The following COBLL1 variants were observed in gnomAD, a reference collection of about 807,000 sequenced individuals.
COBLL1 encodes the protein cordon-bleu protein-like 1.
In COBLL1, 50 loss-of-function variants were observed where a neutral mutation model predicts 94.8. The ratio of observed to expected loss-of-function variants is 0.53; its 90% CI spans 0.42 to 0.67. COBLL1 has a LOEUF of 0.67. Ranked by LOEUF, COBLL1 falls within the 30% of genes least tolerant of loss-of-function variation. COBLL1 has a pLI of 0.00. For synonymous variants in COBLL1, 448 were observed against 473.8 expected, an observed-to-expected ratio of 0.95 and a Z score of 0.71; for missense variants, 1,362 against 1,348.7, an observed-to-expected ratio of 1.01 and a Z score of -0.15.
intron 2 of COBLL1, among the ~76,000 whole-genome samples, chr2:164,765,441 A>G (rs1468476743): frequency 6.6e-6 from 1 of 152,226 alleles, no homozygotes; most frequent in Non-Finnish European, 1.5e-5. Flanking sequence ...TGAGAGACTT[A>G]AGTGATATAA....
At chr2:164,676,517 T>C (rs1192703431), downstream of COBLL1, among the ~76,000 whole-genome samples, 1 of 152,176 alleles carries the variant, frequency 6.6e-6, no homozygotes, top group Non-Finnish European at 1.5e-5. Context: ...TGGTTAAATA[T>C]TCTTCATATT....
intron 1 of COBLL1, among the ~76,000 whole-genome samples, chr2:164,666,511 A>C (rs1440453332): frequency 6.6e-6 from 1 of 152,198 alleles, no homozygotes; most frequent in Non-Finnish European, 1.5e-5. Context: ...TTCTTAAAAT[A>C]ATATACCAGT....
intron 7 of COBLL1, among the ~76,000 whole-genome samples, chr2:164,705,614 G>A (rs1160599908): frequency 6.6e-6 from 1 of 152,198 alleles, no homozygotes; most frequent in East Asian, 1.9e-4. Context: ...ACTGTCAGCA[G>A]ACCCTAAGAC....
At chr2:164,790,978 ACTC>A (rs1683160348) in intron 2 of COBLL1, among the ~76,000 whole-genome samples, 2 of 152,118 alleles carry the variant, frequency 1.3e-5, no homozygotes, top group Admixed American at 6.5e-5. Context: ...CCAAAAGATA[ACTC>A]CTATCAGAAG....
chr2:164,772,275 T>C (rs928751221), intron 2 of COBLL1, among the ~76,000 whole-genome samples: 1 of 152,020 alleles, frequency 6.6e-6, no homozygotes, highest in African/African-American at 2.4e-5. Flanking sequence ...GTGATAAAGT[T>C]TCTTTATCAG....
chr2:164,694,372 G>C lies in COBLL1; in HGVS notation c.3020C>G (p.Pro1007Arg). Residue 1007 changes from proline (P) to arginine (R), a missense_variant, in exon 12 of 14, where the codon CCT becomes CGT. Pro to Arg is a moderately radical substitution (Grantham distance 103). Transcript: ENST00000652658. ...AGGTTGGACCAATGCACTGGCACTAGGTGACTCGGTGCGCTCTTTACTGAA... is the reference window on the plus strand; with the variant it reads ...AGGTTGGACCAATGCACTGGCACTACGTGACTCGGTGCGCTCTTTACTGAA... ...QSFSKERTESPSASALVQPPA... is the reference protein window; with the variant it reads ...QSFSKERTESRSASALVQPPA... 6.2e-7 allele frequency: 1 copy of C among 1,613,998 alleles called. No individual in the cohort carries two copies. The highest frequency in any genetic ancestry group is 2.2e-5 in the East Asian group (1 of 44,868).
intron 2 of COBLL1, among the ~76,000 whole-genome samples, chr2:164,818,588 A>G (rs185555629): frequency 2.2e-4 from 32 of 148,138 alleles, no homozygotes; most frequent in Admixed American, 6.8e-4. Context: ...GTACATATGT[A>G]CACATATATA....
At chr2:164,689,573 T>C (rs1226329519) in intron 13 of COBLL1, among the ~76,000 whole-genome samples, 1 of 152,160 alleles carries the variant, frequency 6.6e-6, no homozygotes, top group African/African-American at 2.4e-5. Flanking sequence ...AGAATATATG[T>C]ATAGAAAAAT....
At chr2:164,755,404 C>T (rs1406181170) in intron 2 of COBLL1, among the ~76,000 whole-genome samples, 1 of 152,160 alleles carries the variant, frequency 6.6e-6, no homozygotes, top group Non-Finnish European at 1.5e-5. Flanking sequence ...ACATTACCTT[C>T]TGCATAGTAT....
At chr2:164,670,656 C>CA (rs1691227959) in intron 1 of COBLL1, among the ~76,000 whole-genome samples, 1 of 152,062 alleles carries the variant, frequency 6.6e-6, no homozygotes, top group Admixed American at 6.5e-5. Context: ...AGTTAAAATC[C>CA]AACATCAGTT....
chr2:164,828,899 T>C (rs947174747), intron 2 of COBLL1, among the ~76,000 whole-genome samples: 2 of 152,194 alleles, frequency 1.3e-5, no homozygotes, highest in African/African-American at 4.8e-5. Context: ...TATAGTTCCA[T>C]TGGACGGTGC....
intron 7 of COBLL1, 100 bp downstream of exon 7, chr2:164,721,975 A>T: frequency 2.4e-6 from 2 of 835,838 alleles, no homozygotes; most frequent in Non-Finnish European, 3.8e-6. Context: ...TTATAGGACT[A>T]CTTCTTACTA....
intron 2 of COBLL1, among the ~76,000 whole-genome samples, chr2:164,829,619 G>A (rs140965658): frequency 0.013 from 1,930 of 152,108 alleles, 17 homozygotes; most frequent in Non-Finnish European, 0.019. Context: ...AAAGGGAAAA[G>A]AAGGAAATAT....
intron 5 of COBLL1, chr2:164,725,135 A>ATATATATATATATATATATGT (rs1558956204): frequency 3.5e-5 from 2 of 57,192 alleles, no homozygotes; most frequent in African/African-American, 1.6e-4. Context: ...TATATATATA[A>ATATATATATATATATATATGT]AATGAAAGCA....
intron 2 of COBLL1, among the ~76,000 whole-genome samples, chr2:164,764,041 A>T (rs1000301692): frequency 1.3e-5 from 2 of 152,108 alleles, no homozygotes; most frequent in Admixed American, 6.6e-5. Flanking sequence ...GACTACAGGC[A>T]TGTGCCACCA....
At chr2:164,772,305 A>G (rs1347383275) in intron 2 of COBLL1, among the ~76,000 whole-genome samples, 1 of 151,962 alleles carries the variant, frequency 6.6e-6, no homozygotes, top group Non-Finnish European at 1.5e-5. Flanking sequence ...GAAAATGTAA[A>G]TCTCATGTAT....
chr2:164,732,918 G>C (rs1177185225), intron 3 of COBLL1, among the ~76,000 whole-genome samples: 1 of 152,190 alleles, frequency 6.6e-6, no homozygotes, highest in South Asian at 2.1e-4. Context: ...AGCCAGGCAT[G>C]GTGGCAGGTG....
intron 2 of COBLL1, among the ~76,000 whole-genome samples, chr2:164,778,342 G>A (rs1307343111): frequency 6.6e-6 from 1 of 152,156 alleles, no homozygotes; most frequent in Admixed American, 6.5e-5. Context: ...CACAGTGGCT[G>A]ATGCCTGTAA....
At chr2:164,839,644 C>T (rs1316762006) in intron 2 of COBLL1, among the ~76,000 whole-genome samples, 1 of 152,174 alleles carries the variant, frequency 6.6e-6, no homozygotes, top group Non-Finnish European at 1.5e-5. Context: ...TAACCTAATC[C>T]ATTTCCAAAT....
Sources: allele counts gnomAD v4.1 joint callset (sites outside exome capture counted in the v4.1 genomes callset), GRCh38; gene constraint gnomAD v4.1.1; transcripts MANE v1.5; gene names NCBI Gene and HGNC (gene_info 2026-07-23, HGNC 2026-07-21).